Variants in SDC2 observed in about 807,000 individuals in gnomAD.
SDC2 encodes syndecan 2, also known as syndecan-2.
In SDC2, 13 loss-of-function variants were observed where a neutral mutation model predicts 22.2. The observed-to-expected ratio is 0.59, with a 90% CI of 0.38 to 0.93. SDC2 has a LOEUF of 0.93. SDC2 is among the 40% of genes least tolerant of loss of function. The pLI is 0.00. For synonymous variants in SDC2, 94 were observed against 92.8 expected (o/e 1.01, Z -0.07); for missense variants, 235 against 246.8 (o/e 0.95, Z 0.32).
At chr8:96,571,664 C>T (rs1335569820) in intron 1 of SDC2, among the ~76,000 whole-genome samples, 3 of 152,128 alleles carry the variant, frequency 2.0e-5, no homozygotes, top group Non-Finnish European at 4.4e-5. Flanking sequence ...AGACAGCACC[C>T]CCTCTTGCTG....
chr8:96,506,605 T>C (rs1452463771), intron 1 of SDC2, among the ~76,000 whole-genome samples: 1 of 152,040 alleles, frequency 6.6e-6, no homozygotes, highest in Admixed American at 6.6e-5. Flanking sequence ...GCCTCCTGAG[T>C]AGCTAGGACT....
Position 96,611,145 on chromosome 8 carries a change from G to C in SDC2, c.*1597G>C, listed in dbSNP as rs1371566246. 6.6e-6 allele frequency: 1 copy of C among 152,620 alleles called. No individual in the cohort carries two copies. Among genetic ancestry groups the C allele is most frequent in the Non-Finnish European group, 1.5e-5 (1 of 68,058 alleles). 9.5% of individuals were successfully genotyped at this position (152,620 alleles called of 1,614,324 possible). A position where few individuals can be genotyped will look rare whatever the true frequency, so the allele number is the denominator to read the frequency against. ...GAAGGAGGGTAGGCAGGGAGGCTCTGTGTGTTAAAATGAGGGTCTCACTGC... is the reference window on the plus strand; with the variant it reads ...GAAGGAGGGTAGGCAGGGAGGCTCTCTGTGTTAAAATGAGGGTCTCACTGC... On this transcript the variant is annotated 3_prime_UTR_variant, in exon 5 of 5. Coordinates refer to ENST00000302190, the MANE Select transcript of SDC2 (RefSeq NM_002998.4).
chr8:96,510,612 A>G (rs1813313000), intron 1 of SDC2, among the ~76,000 whole-genome samples: 1 of 152,236 alleles, frequency 6.6e-6, no homozygotes, highest in Non-Finnish European at 1.5e-5. Context: ...GCTCTGCAGG[A>G]TAACATTACA....
chr8:96,495,244 G>A (rs913268053), intron 1 of SDC2, among the ~76,000 whole-genome samples: 1 of 152,172 alleles, frequency 6.6e-6, no homozygotes, highest in South Asian at 2.1e-4. Context: ...TTCTGGGGCC[G>A]GGAGGAGTCT....
intron 1 of SDC2, among the ~76,000 whole-genome samples, chr8:96,578,098 G>A (rs1356830092): frequency 6.6e-6 from 1 of 152,190 alleles, no homozygotes; most frequent in East Asian, 1.9e-4. Context: ...CAGATATGTA[G>A]TGCCAAGGGA....
chr8:96,603,951 A>G (rs1269331999), intron 3 of SDC2, among the ~76,000 whole-genome samples: 1 of 152,252 alleles, frequency 6.6e-6, no homozygotes, highest in Non-Finnish European at 1.5e-5. Context: ...AATGAAACAA[A>G]AAAAGAAAGG....
At chr8:96,575,177 T>G (rs1340320460) in intron 1 of SDC2, among the ~76,000 whole-genome samples, 1 of 152,202 alleles carries the variant, frequency 6.6e-6, no homozygotes, top group Non-Finnish European at 1.5e-5. Flanking sequence ...ACCAGAAATC[T>G]AAGCCTTTCT....
chr8:96,591,007 G>A (rs922501639), intron 1 of SDC2, among the ~76,000 whole-genome samples: 3 of 152,172 alleles, frequency 2.0e-5, no homozygotes, highest in African/African-American at 7.2e-5. Flanking sequence ...GTCCCAGGAA[G>A]TCAGTTGGCT....
intron 1 of SDC2, among the ~76,000 whole-genome samples, chr8:96,588,433 A>G (rs1315694353): frequency 2.6e-5 from 4 of 152,214 alleles, no homozygotes; most frequent in Admixed American, 2.6e-4. Context: ...CTAGTAATAA[A>G]ATAGTTTACT....
At chr8:96,521,520 G>C (rs185485047) in intron 1 of SDC2, among the ~76,000 whole-genome samples, 30 of 152,338 alleles carry the variant, frequency 2.0e-4, no homozygotes, top group Admixed American at 1.6e-3. Flanking sequence ...CTCCAGTCTG[G>C]AGAAGGTAGG....
intron 1 of SDC2, among the ~76,000 whole-genome samples, chr8:96,518,848 AT>A (rs1563646101): frequency 1.3e-5 from 2 of 152,108 alleles, no homozygotes; most frequent in Admixed American, 6.6e-5. Context: ...AATCCGTTAA[AT>A]TTTTTTGAAC....
chr8:96,568,073 G>A (rs1041897102), intron 1 of SDC2, among the ~76,000 whole-genome samples: 6 of 152,166 alleles, frequency 3.9e-5, no homozygotes, highest in Admixed American at 1.3e-4. Context: ...AAATTCTTGC[G>A]TTTTAGCATC....
At chr8:96,545,859 G>T (rs1813923004) in intron 1 of SDC2, among the ~76,000 whole-genome samples, 1 of 152,182 alleles carries the variant, frequency 6.6e-6, no homozygotes. Flanking sequence ...AGCAGGGACT[G>T]CATTTTGGCA....
chr8:96,584,035 T>C (rs1277992123), intron 1 of SDC2, among the ~76,000 whole-genome samples: 1 of 152,210 alleles, frequency 6.6e-6, no homozygotes, highest in Non-Finnish European at 1.5e-5. Context: ...CATAGCTTCT[T>C]AAAACACATT....
At chr8:96,533,274 T>G (rs1446684711) in intron 1 of SDC2, among the ~76,000 whole-genome samples, 4 of 152,190 alleles carry the variant, frequency 2.6e-5, no homozygotes, top group Non-Finnish European at 5.9e-5. Context: ...GGCAGCTTGC[T>G]TTTATTCTCT....
chr8:96,508,519 G>T lies in SDC2; in HGVS notation c.60+14188G>T, dbSNP rs944850270. On this transcript the variant is annotated intron_variant, in intron 1 of 4. Transcript: ENST00000302190. ...AAAAAAAGAAAAAAAAAGATTATTG[G>T]TTTATAAATTTTATCATAACACAAA... Among the ~76,000 whole-genome samples, 3 of 96,798 alleles carry T rather than the reference G, an allele frequency of 3.1e-5. 1 individual carries two copies. Among genetic ancestry groups the T allele is most frequent in the African/African-American group, 9.6e-5 (3 of 31,368 alleles). The allele number at this position is 96,798 out of a possible 152,430, so 63.5% of individuals were successfully genotyped here. A position where few individuals can be genotyped will look rare whatever the true frequency, so the allele number is the denominator to read the frequency against.
intron 1 of SDC2, among the ~76,000 whole-genome samples, chr8:96,498,376 C>T (rs1813106734): frequency 6.6e-6 from 1 of 152,130 alleles, no homozygotes; most frequent in Admixed American, 6.5e-5. Context: ...CTTAAAGATG[C>T]AGCACCAACA....
At chr8:96,552,584 A>G (rs1814044774) in intron 1 of SDC2, among the ~76,000 whole-genome samples, 1 of 152,224 alleles carries the variant, frequency 6.6e-6, no homozygotes, top group Non-Finnish European at 1.5e-5. Flanking sequence ...ATCATTGTCA[A>G]GTCCTAAATT....
chr8:96,535,157 T>C lies in SDC2; in HGVS notation c.60+40826T>C, dbSNP rs138143570. On this transcript the variant is annotated intron_variant, in intron 1 of 4. Coordinates refer to ENST00000302190, the MANE Select transcript of SDC2 (RefSeq NM_002998.4). ...CCGAGTAGCTGGGATTACAGGCATG[T>C]GCCACCACGCCCAGCTAATTTTTGT... Among the ~76,000 whole-genome samples the C allele has an allele frequency of 4.3e-3, 662 of 152,238 alleles. 8 individuals carry two copies. Among genetic ancestry groups the C allele is most frequent in the African/African-American group, 0.015 (633 of 41,542 alleles).
Sources: gnomAD v4.1 joint callset for allele counts (sites outside exome capture counted in the v4.1 genomes callset) on GRCh38, gnomAD v4.1.1 for gene constraint, MANE v1.5 for transcripts, NCBI Gene and HGNC (gene_info 2026-07-23, HGNC 2026-07-21) for gene names.